TTN: variants seen among roughly 807,000 people sequenced by gnomAD.
The protein encoded by TTN is connectin.
In TTN, 1,525 loss-of-function variants were observed where a neutral mutation model predicts 3,223.0. The observed-to-expected ratio is 0.47, with a 90% CI of 0.45 to 0.49. The LOEUF (loss-of-function observed/expected upper bound fraction) is 0.49. Among genes scored for constraint, TTN ranks in the 20% least tolerant of loss-of-function variants. The pLI is 0.00. For missense variants in TTN, 40,786 were observed against 43,424.0 expected (o/e 0.94, Z 5.40); for synonymous variants, 14,094 against 15,161.0 (o/e 0.93, Z 5.17).
In TTN at chr2:178,546,656, C is replaced by T; in HGVS notation, c.94772G>A (p.Gly31591Asp). The change falls in exon 341 of 363, where the codon GGC (glycine) becomes GAC (aspartate). Residue 31591 changes from glycine (G) to aspartate (D), a missense_variant. By Grantham distance (94) the Gly-to-Asp change is moderately conservative (BLOSUM62 -1). Coordinates refer to ENST00000589042, the MANE Select transcript of TTN (RefSeq NM_001267550.2). The stretch of plus-strand genomic sequence containing the variant: ...AGATTCAGACCCTTTGCTAATTACG[C>T]CTGCTGCATTCTTGGCTAACACACG... ...EFRVLAKNAA[G>D]VISKGSESTG... 1.2e-6 allele frequency: 2 copies of T among 1,613,722 alleles called. No individual in the cohort carries two copies. The highest frequency in any genetic ancestry group is 4.5e-5 in the East Asian group (2 of 44,856).
rs1309287997 is a variant in TTN at position 178,768,087 on chromosome 2, C to G, written c.9232G>C (p.Glu3078Gln). The change falls in exon 39 of 363, where the codon GAA (glutamate) becomes CAA (glutamine). Residue 3078 changes from glutamate (E) to glutamine (Q), a missense_variant. Physicochemically the swap from Glu to Gln is conservative, Grantham distance 29 (BLOSUM62 2). Coordinates refer to ENST00000589042, the MANE Select transcript of TTN (RefSeq NM_001267550.2). ...ATGTCAGGTTCAGAAACTTCACATTCAAACATGGCTCGCTTCTTCTCCAGT... is the reference window on the plus strand; with the variant it reads ...ATGTCAGGTTCAGAAACTTCACATTGAAACATGGCTCGCTTCTTCTCCAGT... ...KVLEKKRAMFECEVSEPDITV... is the reference protein window; with the variant it reads ...KVLEKKRAMFQCEVSEPDITV... The G allele has an allele frequency of 1.2e-6, 2 of 1,614,004 alleles. No individual in the cohort carries two copies. The highest frequency in any genetic ancestry group is 1.7e-6 in the Non-Finnish European group (2 of 1,180,008).
Position 178,733,140 on chromosome 2 carries a change from G to T in TTN, c.16055-19C>A. ...TCTCGATCTGTGTGTTGCACAAGAA[G>T]GGAGAAAAGGTCAATATAGAAGAGT... On this transcript the variant is annotated intron_variant, in intron 54 of 362. Coordinates refer to ENST00000589042, the MANE Select transcript of TTN (RefSeq NM_001267550.2). The T allele has an allele frequency of 6.4e-7, 1 of 1,568,966 alleles. No homozygotes were observed. The highest frequency in any genetic ancestry group is 8.6e-7 in the Non-Finnish European group (1 of 1,156,750).
In TTN at chr2:178,646,484, C is replaced by T. The variant is rs568585511; in HGVS notation, c.40297+1G>A. The T allele has an allele frequency of 4.5e-6, 7 of 1,542,398 alleles. No individual in the cohort carries two copies. Among genetic ancestry groups the T allele is most frequent in the Non-Finnish European group, 6.1e-6 (7 of 1,140,524 alleles). ...AGATTTAAGTCCACTGGATTGAATACCTTTTACTGGTATTTCTTCAGGCTG... is the reference window on the plus strand; with the variant it reads ...AGATTTAAGTCCACTGGATTGAATATCTTTTACTGGTATTTCTTCAGGCTG... On this transcript the variant is annotated splice_donor_variant, in intron 216 of 362. Transcript: ENST00000589042. LOFTEE classifies it high-confidence loss of function.
chr2:178,589,160 G>T lies in TTN; in HGVS notation c.62565C>A (p.Ala20855=), dbSNP rs371253950. ...TATCTAAAACATTGACAGTGGCATA[G>T]GCCACAAAACTGCCAGCCGTGTTAG... is the stretch of plus-strand genomic sequence containing the variant. ...TATNTAGSFV[A]YATVNVLDKP... Residue 20855 remains alanine (A), a synonymous_variant, in exon 304 of 363, where the codon GCC becomes GCA. Transcript: ENST00000589042. 15 of 1,613,218 alleles carry T rather than the reference G, an allele frequency of 9.3e-6. No individual in the cohort carries two copies. The highest frequency in any genetic ancestry group is 1.3e-5 in the Non-Finnish European group (15 of 1,179,632).
intron 143 of TTN, 45 bp from the exon 144 acceptor site, chr2:178,678,542 T>C: frequency 7.0e-7 from 1 of 1,435,950 alleles, no homozygotes; most frequent in Non-Finnish European, 9.4e-7. Flanking sequence ...GACATAAAAA[T>C]ACTGATTCCA....
rs397517549 is a variant in TTN at position 178,677,662 on chromosome 2, ACTT to A, written c.34247_34249del (p.Glu11416del). The A allele has an allele frequency of 1.1e-3, 1,789 of 1,612,234 alleles. 49 individuals carry two copies. In the South Asian group the frequency reaches 0.016, roughly 14 times the overall value. ...CACCTTAGGTTTAACTTCTGGAAGG[ACTT>A]CTTCTTCAGGTACAAATTCTTCTTC... On this transcript the variant is annotated inframe_deletion, in exon 146 of 363. Transcript: ENST00000589042.
intron 278 of TTN, 121 bp downstream of exon 278, chr2:178,606,900 C>A: frequency 2.7e-6 from 3 of 1,109,602 alleles, no homozygotes; most frequent in Admixed American, 3.1e-5. Flanking sequence ...ATTTACTTTT[C>A]TTATTACTCT....
intron 8 of TTN, among the ~76,000 whole-genome samples, chr2:178,793,945 A>G (rs150937533): frequency 1.3e-5 from 2 of 152,382 alleles, no homozygotes; most frequent in East Asian, 3.9e-4. Context: ...GATTTATGAC[A>G]CTGTTCCAGC....
At chr2:178,715,911 G>T in intron 88 of TTN, 137 bp from the exon 89 acceptor site, 1 of 793,474 alleles carries the variant, frequency 1.3e-6, no homozygotes, top group Non-Finnish European at 1.9e-6. Context: ...AGGAAGAAGA[G>T]TTAAATGAAA....
rs376012117 is a variant in TTN, at chr2:178,730,227, C to A, written c.18173G>T (p.Arg6058Leu). Reference sequence around the variant, plus strand: ...AGAGGTGTCATCCTTCCAAACTGAGCGGGCTGCTCCTGAGTGTAACTCTTT... The same window carrying A: ...AGAGGTGTCATCCTTCCAAACTGAGAGGGCTGCTCCTGAGTGTAACTCTTT... Reference protein sequence around the residue: ...DNKELHSGAARSVWKDDTSTS... With the variant: ...DNKELHSGAALSVWKDDTSTS... Residue 6058 changes from arginine to leucine, a missense_variant, in exon 62 of 363, where the codon CGC becomes CTC. By Grantham distance (102) the Arg-to-Leu change is moderately radical. Coordinates refer to ENST00000589042, the MANE Select transcript of TTN (RefSeq NM_001267550.2). 1.9e-6 allele frequency: 3 copies of A among 1,613,334 alleles called. No individual in the cohort carries two copies. Among genetic ancestry groups the A allele is most frequent in the South Asian group, 1.1e-5 (1 of 91,040 alleles).
rs1248616113 is a variant in TTN at position 178,620,766 on chromosome 2, T to C, written c.45844A>G (p.Thr15282Ala). 4.3e-6 allele frequency: 7 copies of C among 1,612,824 alleles called. No individual in the cohort carries two copies. The highest frequency in any genetic ancestry group is 5.9e-6 in the Non-Finnish European group (7 of 1,179,154). ...TTAACATTTTCACCTCTGTGATTGG[T>C]CAAAGACACATTATAGTTGGCTTGG... The part of the protein sequence containing the change: ...DDQANYNVSL[T>A]NHRGENVKSA... The change falls in exon 247 of 363, where the codon ACC becomes GCC. Residue 15282 changes from threonine to alanine, a missense_variant. By Grantham distance (58) the Thr-to-Ala change is moderately conservative. Transcript: ENST00000589042.
At chr2:178,578,388 AT>A (rs1323400102) in intron 321 of TTN, among the ~76,000 whole-genome samples, 2 of 151,940 alleles carry the variant, frequency 1.3e-5, no homozygotes, top group Non-Finnish European at 2.9e-5. Flanking sequence ...TTGGTGAACA[AT>A]TTTAACTTAC....
In TTN at chr2:178,526,831, T is replaced by C. The variant is rs1686604778; in HGVS notation, c.*181A>G. On this transcript the variant is annotated 3_prime_UTR_variant, in exon 363 of 363. Coordinates refer to ENST00000589042, the MANE Select transcript of TTN (RefSeq NM_001267550.2). ...TATGTACATGTCACTAGCAAATGTATTATATTCTTAGGTCAACAATTATGA... is the reference window on the plus strand; with the variant it reads ...TATGTACATGTCACTAGCAAATGTACTATATTCTTAGGTCAACAATTATGA... The C allele has an allele frequency of 8.8e-6, 5 of 571,056 alleles. No homozygotes were observed. Among genetic ancestry groups the C allele is most frequent in the Admixed American group, 3.3e-5 (1 of 30,436 alleles). 35.4% of individuals were successfully genotyped at this position (571,056 alleles called of 1,614,324 possible).
Position 178,766,393 on chromosome 2 carries a change from G to A in TTN, c.9691C>T (p.Leu3231Phe), listed in dbSNP as rs786205404. The A allele has an allele frequency of 1.2e-6, 2 of 1,609,656 alleles. No individual in the cohort carries two copies. The highest frequency in any genetic ancestry group is 1.7e-5 in the Admixed American group (1 of 59,998). Residue 3231 changes from leucine (L) to phenylalanine (F), a missense_variant, in exon 41 of 363, where the codon CTC becomes TTC. Transcript: ENST00000589042. The stretch of plus-strand genomic sequence containing the variant: ...TGTCCCTACATACCATTGACATAGA[G>A]AGTGACAGAACTCCTGTTCCTTCCT... ...VAGRNRSSVT[L>F]YVNAPEPPQV...
At position 178,575,724 on chromosome 2, in the gene TTN, A is replaced by C. The variant is rs753051564; in HGVS notation, c.70408T>G (p.Tyr23470Asp). 1 of 1,613,468 alleles carries C rather than the reference A, an allele frequency of 6.2e-7. No homozygotes were observed. Among genetic ancestry groups the C allele is most frequent in the Admixed American group, 1.7e-5 (1 of 59,990 alleles). The change falls in exon 326 of 363, where the codon TAC (tyrosine) becomes GAC (aspartate). Residue 23470 changes from tyrosine (Y) to aspartate (D), a missense_variant. Transcript: ENST00000589042. The surrounding 1 kb of genome is among the most constrained non-coding windows in gnomAD (Gnocchi z 4.0). The part of the protein sequence containing the change: ...LIDGGSRITN[Y>D]IVEKREATRK... ...GTTGCTTCACGTTTCTCTACAATGT[A>C]GTTTGTTATACGTGAGCCTCCATCT...
In TTN at chr2:178,582,205, G is replaced by A; in HGVS notation, c.66164C>T (p.Pro22055Leu). 6.3e-7 allele frequency: 1 copy of A among 1,594,202 alleles called. No individual in the cohort carries two copies. The highest frequency in any genetic ancestry group is 8.5e-7 in the Non-Finnish European group (1 of 1,174,934). The part of the protein sequence containing the change: ...EPAIAKNPYD[P>L]PGRCDPPVIS... ...AACAGGAGGATCACAGCGTCCTGGT[G>A]GGTCTGCAGAAATTGATTGAAAAGT... The change falls in exon 315 of 363, where the codon CCA becomes CTA. Residue 22055 changes from proline (P) to leucine (L), a missense_variant. Physicochemically the swap from Pro to Leu is moderately conservative, Grantham distance 98. Coordinates refer to ENST00000589042, the MANE Select transcript of TTN (RefSeq NM_001267550.2).
intron 79 of TTN, 99 bp downstream of exon 79, chr2:178,720,822 C>T (rs2078243778): frequency 5.6e-6 from 8 of 1,431,698 alleles, no homozygotes; most frequent in Middle Eastern, 1.9e-4. Context: ...GAATTGCAAC[C>T]AAATAACCTT....
chr2:178,776,723 A>T lies in TTN; in HGVS notation c.5141T>A (p.Leu1714His), dbSNP rs750997358. Residue 1714 changes from leucine (L) to histidine (H), a missense_variant, in exon 28 of 363, where the codon CTT (leucine) becomes CAT (histidine). By Grantham distance (99) the Leu-to-His change is moderately conservative. Transcript: ENST00000589042. ...FFKKKLTSLR[L>H]KRFGPAHFEC... ...AAAGTGGGCAGGCCCAAAGCGCTTAAGTCTTAAGGAAGTGAGTTTTTTCTT... is the reference window on the plus strand; with the variant it reads ...AAAGTGGGCAGGCCCAAAGCGCTTATGTCTTAAGGAAGTGAGTTTTTTCTT... The T allele has an allele frequency of 6.2e-7, 1 of 1,613,948 alleles. No individual in the cohort carries two copies. Among genetic ancestry groups the T allele is most frequent in the Non-Finnish European group, 8.5e-7 (1 of 1,180,014 alleles).
In TTN at chr2:178,558,613, A is replaced by C. The variant is rs745542033; in HGVS notation, c.86846T>G (p.Leu28949Arg). The change falls in exon 327 of 363, where the codon CTT (leucine) becomes CGT (arginine). Residue 28949 changes from leucine (L) to arginine (R), a missense_variant. Transcript: ENST00000589042. ...GTCTTTGGATATACTTGTTACTCCA[A>C]GTTTTTCAGGTGGGCTTGGTTTTTC... Reference protein sequence around the residue: ...ITEKPSPPEKLGVTSISKDSV... With the variant: ...ITEKPSPPEKRGVTSISKDSV... The C allele has an allele frequency of 6.2e-7, 1 of 1,612,204 alleles. No homozygotes were observed. The highest frequency in any genetic ancestry group is 8.5e-7 in the Non-Finnish European group (1 of 1,179,512).
Sources: gnomAD v4.1 joint callset for allele counts (sites outside exome capture counted in the v4.1 genomes callset) on GRCh38, gnomAD v4.1.1 for gene constraint, Gnocchi (gnomAD v3.1) non-coding constraint, MANE v1.5 for transcripts, NCBI Gene and HGNC (gene_info 2026-07-23, HGNC 2026-07-21) for gene names.